CCDC85A: variants seen among roughly 807,000 people sequenced by gnomAD.
CCDC85A encodes the protein coiled-coil domain-containing protein 85A.
CCDC85A carries 38 observed loss-of-function variants against 50.2 expected under a neutral mutation model. That is an observed-to-expected ratio of 0.76 (90% CI 0.58 to 0.99). CCDC85A has a LOEUF of 0.99. Ranked by LOEUF, CCDC85A falls within the 50% of genes least tolerant of loss-of-function variation. The pLI, the probability that CCDC85A is intolerant of heterozygous loss-of-function variation, is 0.00. For missense variants in CCDC85A, 820 were observed against 742.0 expected, an observed-to-expected ratio of 1.11 and a Z score of -1.22; for synonymous variants, 366 against 301.4, an observed-to-expected ratio of 1.21 and a Z score of -2.22.
chr2:56,241,516 C>G (rs1669258895), intron 2 of CCDC85A, among the ~76,000 whole-genome samples: 1 of 151,880 alleles, frequency 6.6e-6, no homozygotes, highest in South Asian at 2.1e-4. Context: ...ACCCATTGTT[C>G]TATTCTGTGT....
At chr2:56,208,978 G>T (rs1382009271) in intron 2 of CCDC85A, among the ~76,000 whole-genome samples, 1 of 152,054 alleles carries the variant, frequency 6.6e-6, no homozygotes, top group Admixed American at 6.6e-5. Context: ...ATATCTTCAT[G>T]TATACTGGCC....
chr2:56,357,324 C>T (rs1009376962), intron 3 of CCDC85A, among the ~76,000 whole-genome samples: 1 of 152,120 alleles, frequency 6.6e-6, no homozygotes. Context: ...TAATAAAATT[C>T]ATCAGAATCA....
chr2:56,215,404 C>G (rs1027225029), intron 2 of CCDC85A, among the ~76,000 whole-genome samples: 4 of 151,726 alleles, frequency 2.6e-5, no homozygotes, highest in Non-Finnish European at 5.9e-5. Flanking sequence ...TCTTCTTGTA[C>G]TAGTAAGACT....
At position 56,384,744 on chromosome 2, in the gene CCDC85A, C is replaced by T. The variant is rs980900895; in HGVS notation, c.*389C>T. ...GCCTCAGTGTTTTGAATAGAGATGACTCATTACACATAATGGTAGGAGTTT... is the reference window on the plus strand; with the variant it reads ...GCCTCAGTGTTTTGAATAGAGATGATTCATTACACATAATGGTAGGAGTTT... On this transcript the variant is annotated 3_prime_UTR_variant, in exon 6 of 6. Coordinates refer to ENST00000407595, the MANE Select transcript of CCDC85A (RefSeq NM_001080433.2). 6.1e-6 allele frequency: 1 copy of T among 165,000 alleles called. No homozygotes were observed. The highest frequency in any genetic ancestry group is 5.9e-5 in the Admixed American group (1 of 17,058). 10.2% of individuals were successfully genotyped at this position (165,000 alleles called of 1,614,324 possible).
At chr2:56,362,450 C>T (rs183650238) in intron 3 of CCDC85A, among the ~76,000 whole-genome samples, 38 of 151,694 alleles carry the variant, frequency 2.5e-4, no homozygotes, top group Middle Eastern at 3.4e-3. Flanking sequence ...AACTATGGGA[C>T]TGAATGGGAA....
intron 2 of CCDC85A, among the ~76,000 whole-genome samples, chr2:56,250,881 T>C (rs916675568): frequency 6.6e-6 from 1 of 152,214 alleles, no homozygotes; most frequent in Admixed American, 6.5e-5. Flanking sequence ...GTAAATGTCA[T>C]CTTTTTTTTC....
intron 2 of CCDC85A, among the ~76,000 whole-genome samples, chr2:56,247,534 G>T (rs578089462): frequency 6.6e-6 from 1 of 152,184 alleles, no homozygotes; most frequent in Non-Finnish European, 1.5e-5. Context: ...TGCAATAGGA[G>T]CTCACAGAGC....
chr2:56,257,265 G>A (rs1327249390), intron 2 of CCDC85A, among the ~76,000 whole-genome samples: 2 of 152,150 alleles, frequency 1.3e-5, no homozygotes, highest in East Asian at 1.9e-4. Flanking sequence ...TTATAATGCA[G>A]TCCAGAATGT....
rs2193477 is a variant in CCDC85A, at chr2:56,192,217, C to A, written c.277-260C>A. On this transcript the variant is annotated intron_variant, in intron 1 of 5. Coordinates refer to ENST00000407595, the MANE Select transcript of CCDC85A (RefSeq NM_001080433.2). This position sits in a 1 kb window ranked among gnomAD's most constrained non-coding sequence, Gnocchi z 4.7. ...AGTTAGTTTAATTTTTATGGCCATA[C>A]TAATTATTATCCCCTAAATGTTTGG... is the stretch of plus-strand genomic sequence containing the variant. Among the ~76,000 whole-genome samples the A allele has an allele frequency of 0.39, 57,773 of 147,774 alleles. 11,399 individuals are homozygous for A. Among genetic ancestry groups the A allele is most frequent in the African/African-American group, 0.43 (17,139 of 40,056 alleles).
At chr2:56,308,249 C>T (rs529230121) in intron 2 of CCDC85A, among the ~76,000 whole-genome samples, 1 of 152,302 alleles carries the variant, frequency 6.6e-6, no homozygotes, top group East Asian at 1.9e-4. Context: ...AATCTTTGAG[C>T]TGTCTGTCCC....
chr2:56,246,629 T>A (rs1669523450), intron 2 of CCDC85A, among the ~76,000 whole-genome samples: 2 of 152,326 alleles, frequency 1.3e-5, no homozygotes, highest in South Asian at 4.1e-4. Flanking sequence ...AAGACTGTCC[T>A]TTCTCCATTG....
chr2:56,311,724 A>G (rs1672701591), intron 2 of CCDC85A, among the ~76,000 whole-genome samples: 1 of 152,120 alleles, frequency 6.6e-6, no homozygotes, highest in South Asian at 2.1e-4. Flanking sequence ...TAATTCTCCC[A>G]AATGTAGCAA....
At chr2:56,279,814 T>C (rs1671124005) in intron 2 of CCDC85A, among the ~76,000 whole-genome samples, 1 of 152,248 alleles carries the variant, frequency 6.6e-6, no homozygotes, top group Admixed American at 6.5e-5. Flanking sequence ...TGGGTATATA[T>C]ACCTGTTTTC....
At position 56,310,053 on chromosome 2, in the gene CCDC85A, G is replaced by A. The variant is rs904950194; in HGVS notation, c.1241-32826G>A. 3.3e-5 allele frequency among the ~76,000 whole-genome samples: 5 copies of A among 152,164 alleles called. No individual in the cohort carries two copies. In the South Asian group the frequency reaches 6.2e-4, roughly 19 times the overall value. ...TACCTGTTTGTTTCATATGAGATGT[G>A]AGGAACTAAAGACCTAAATAAATTA... On this transcript the variant is annotated intron_variant, in intron 2 of 5. Coordinates refer to ENST00000407595, the MANE Select transcript of CCDC85A (RefSeq NM_001080433.2).
At chr2:56,258,733 G>A (rs868717801) in intron 2 of CCDC85A, among the ~76,000 whole-genome samples, 1 of 152,166 alleles carries the variant, frequency 6.6e-6, no homozygotes, top group Non-Finnish European at 1.5e-5. Flanking sequence ...AAGGCAAGAG[G>A]GAAAGAGATC....
chr2:56,346,691 T>G (rs948763373), intron 3 of CCDC85A, among the ~76,000 whole-genome samples: 1 of 152,364 alleles, frequency 6.6e-6, no homozygotes, highest in African/African-American at 2.4e-5. Flanking sequence ...TTATTATTAT[T>G]GAGAAGAAAA....
intron 3 of CCDC85A, among the ~76,000 whole-genome samples, chr2:56,352,899 A>T (rs759398779): frequency 2.0e-5 from 3 of 152,188 alleles, no homozygotes; most frequent in Non-Finnish European, 4.4e-5. Context: ...TAGCTTGTCT[A>T]TAAAAGAAAA....
At chr2:56,329,927 G>C (rs1267159424) in intron 2 of CCDC85A, among the ~76,000 whole-genome samples, 1 of 20,892 alleles carries the variant, frequency 4.8e-5, no homozygotes, top group Non-Finnish European at 1.4e-4. Flanking sequence ...TTGAAAATTT[G>C]TTTTTTACAG....
chr2:56,212,855 A>G (rs1677234780), intron 2 of CCDC85A, among the ~76,000 whole-genome samples: 1 of 151,982 alleles, frequency 6.6e-6, no homozygotes, highest in Non-Finnish European at 1.5e-5. Flanking sequence ...GGGACAACAT[A>G]TGTCACTTCT....
Sources: gnomAD v4.1 joint callset for allele counts (sites outside exome capture counted in the v4.1 genomes callset) on GRCh38, gnomAD v4.1.1 for gene constraint, Gnocchi (gnomAD v3.1) non-coding constraint, MANE v1.5 for transcripts, NCBI Gene and HGNC (gene_info 2026-07-23, HGNC 2026-07-21) for gene names.